The following TLL1 variants were observed in gnomAD, a reference collection of about 807,000 sequenced individuals.
TLL1 encodes tolloid like 1.
Under a neutral mutation model 128.2 loss-of-function variants are expected in TLL1, and 49 were observed. That is an observed-to-expected ratio of 0.38 (90% CI 0.30 to 0.48). The LOEUF (loss-of-function observed/expected upper bound fraction) is 0.48. TLL1 is among the 20% of genes least tolerant of loss of function. The pLI is 0.96. For synonymous variants in TLL1, 454 were observed against 418.8 expected (o/e 1.08, Z -1.03); for missense variants, 1,123 against 1,242.0 (o/e 0.90, Z 1.44).
chr4:165,911,887 G>A (rs1403801174), intron 1 of TLL1, among the ~76,000 whole-genome samples: 4 of 151,820 alleles, frequency 2.6e-5, no homozygotes, highest in African/African-American at 4.8e-5. Context: ...GTTTTGTTTC[G>A]TTTTTTGAGA....
intron 1 of TLL1, among the ~76,000 whole-genome samples, chr4:165,880,455 A>G: frequency 6.6e-6 from 1 of 152,208 alleles, no homozygotes; most frequent in East Asian, 1.9e-4. Context: ...GTATTTTTTA[A>G]AAGAACTTCT....
intron 6 of TLL1, among the ~76,000 whole-genome samples, chr4:166,005,770 T>C (rs1193788003): frequency 6.6e-6 from 1 of 151,886 alleles, no homozygotes; most frequent in Non-Finnish European, 1.5e-5. Flanking sequence ...AAAAAATTTA[T>C]AAAAGATGTA....
At chr4:166,081,283 C>T (rs111435209) in intron 18 of TLL1, among the ~76,000 whole-genome samples, 4 of 152,072 alleles carry the variant, frequency 2.6e-5, no homozygotes, top group African/African-American at 7.2e-5. Context: ...GTACCTTTGT[C>T]GTAGGGGTGG....
intron 19 of TLL1, among the ~76,000 whole-genome samples, chr4:166,094,163 A>G (rs1272761356): frequency 6.6e-6 from 1 of 152,152 alleles, no homozygotes; most frequent in East Asian, 1.9e-4. Context: ...TAGATATTTG[A>G]ATCCTCAAAA....
intron 6 of TLL1, among the ~76,000 whole-genome samples, chr4:166,007,090 A>T (rs1003231488): frequency 1.3e-5 from 2 of 151,690 alleles, no homozygotes; most frequent in Non-Finnish European, 3.0e-5. Context: ...TACATAAGTG[A>T]TATGATTTGT....
intron 1 of TLL1, among the ~76,000 whole-genome samples, chr4:165,968,813 T>A (rs139480936): frequency 9.3e-4 from 142 of 152,288 alleles, no homozygotes; most frequent in Non-Finnish European, 1.6e-3. Context: ...TTTCTCCCAT[T>A]CTGTGATTGT....
intron 15 of TLL1, among the ~76,000 whole-genome samples, chr4:166,064,175 G>T (rs1340560096): frequency 6.6e-6 from 1 of 151,890 alleles, no homozygotes; most frequent in Non-Finnish European, 1.5e-5. Flanking sequence ...AATAAGTAAA[G>T]AAAATTATTT....
intron 18 of TLL1, among the ~76,000 whole-genome samples, chr4:166,086,103 A>C (rs568320250): frequency 2.0e-5 from 3 of 152,234 alleles, no homozygotes; most frequent in South Asian, 4.2e-4. Context: ...ATTACAATAA[A>C]ATTCCTATGT....
At chr4:165,885,182 G>T (rs542236733) in intron 1 of TLL1, among the ~76,000 whole-genome samples, 152 of 152,284 alleles carry the variant, frequency 1.0e-3, no homozygotes, top group African/African-American at 3.3e-3. Flanking sequence ...GGAAACTCCA[G>T]TACTGGCTCT....
intron 1 of TLL1, among the ~76,000 whole-genome samples, chr4:165,892,213 A>G (rs536284279): frequency 1.3e-5 from 2 of 152,208 alleles, no homozygotes; most frequent in African/African-American, 2.4e-5. Context: ...GGTCCCTGCA[A>G]TGACACATGG....
chr4:165,899,979 C>A (rs754056284), intron 1 of TLL1, among the ~76,000 whole-genome samples: 6 of 150,584 alleles, frequency 4.0e-5, no homozygotes, highest in Non-Finnish European at 7.4e-5. Flanking sequence ...TAATGCCTTT[C>A]TTTGTCTCTT....
chr4:165,878,349 GT>G (rs562339115), intron 1 of TLL1, among the ~76,000 whole-genome samples: 2 of 150,598 alleles, frequency 1.3e-5, no homozygotes, highest in Non-Finnish European at 3.0e-5. Context: ...TTTAGTTTTC[GT>G]TTCCTCAGAT....
intron 6 of TLL1, among the ~76,000 whole-genome samples, chr4:166,007,162 A>C (rs1275595945): frequency 6.6e-6 from 1 of 151,706 alleles, no homozygotes; most frequent in Admixed American, 6.6e-5. Flanking sequence ...CTGTTTTAAG[A>C]AATGTGTCTT....
intron 2 of TLL1, 91 bp downstream of exon 2, chr4:165,989,582 C>A: frequency 2.2e-6 from 2 of 916,672 alleles, no homozygotes; most frequent in East Asian, 2.4e-5. Flanking sequence ...TTTTTCATCT[C>A]CTGTTGATCA....
chr4:166,002,850 C>A (rs1737234650), intron 5 of TLL1, among the ~76,000 whole-genome samples: 1 of 152,122 alleles, frequency 6.6e-6, no homozygotes, highest in African/African-American at 2.4e-5. Flanking sequence ...AAACCAACAT[C>A]TTTGATAAAT....
intron 5 of TLL1, among the ~76,000 whole-genome samples, 180 bp from the exon 6 acceptor site, chr4:166,003,211 T>C (rs776691264): frequency 3.9e-4 from 60 of 152,224 alleles, no homozygotes; most frequent in Non-Finnish European, 7.2e-4. Context: ...TGGAAGCTTT[T>C]GTTGAACTTA....
chr4:165,975,201 T>C (rs1005489625), intron 1 of TLL1, among the ~76,000 whole-genome samples: 21 of 152,112 alleles, frequency 1.4e-4, no homozygotes, highest in African/African-American at 4.1e-4. Context: ...AGCTGAAGTC[T>C]TTCAGTGAAC....
chr4:166,010,971 A>G (rs1439286522), intron 7 of TLL1, among the ~76,000 whole-genome samples: 1 of 150,960 alleles, frequency 6.6e-6, no homozygotes, highest in Non-Finnish European at 1.5e-5. Context: ...ATGATGGTTT[A>G]TTTCTGTGCT....
At chr4:165,878,574 AT>A (rs141829774) in intron 1 of TLL1, among the ~76,000 whole-genome samples, 138 of 150,654 alleles carry the variant, frequency 9.2e-4, no homozygotes, top group Non-Finnish European at 1.3e-3. Flanking sequence ...AAAAAGATAG[AT>A]TTTTTTTTTC....
Sources: allele counts gnomAD v4.1 joint callset (sites outside exome capture counted in the v4.1 genomes callset), GRCh38; gene constraint gnomAD v4.1.1; transcripts MANE v1.5; gene names NCBI Gene and HGNC (gene_info 2026-07-23, HGNC 2026-07-21).